MSI2: variants seen among roughly 807,000 people sequenced by gnomAD.
MSI2 encodes the protein RNA-binding protein Musashi homolog 2.
A neutral mutation model predicts 45.6 loss-of-function variants in MSI2; 17 were observed. The observed-to-expected ratio is 0.37, with a 90% confidence interval of 0.26 to 0.56. MSI2 has a LOEUF of 0.56. Among genes scored for constraint, MSI2 ranks in the 20% least tolerant of loss-of-function variants. MSI2 has a pLI of 0.77. For missense variants in MSI2, 293 were observed against 444.2 expected, an observed-to-expected ratio of 0.66 and a Z score of 3.06; for synonymous variants, 156 against 158.2, an observed-to-expected ratio of 0.99 and a Z score of 0.11.
chr17:57,292,402 G>C (rs1446776074), intron 5 of MSI2, among the ~76,000 whole-genome samples: 1 of 152,192 alleles, frequency 6.6e-6, no homozygotes, highest in Admixed American at 6.5e-5. Flanking sequence ...GACCAGAGCA[G>C]GGGGCAGAGT....
chr17:57,586,347 GTCTCTC>G (rs138594708), intron 7 of MSI2, among the ~76,000 whole-genome samples: 5 of 150,066 alleles, frequency 3.3e-5, no homozygotes, highest in African/African-American at 9.8e-5. Flanking sequence ...ATGGTTAGAG[GTCTCTC>G]TCTCTCTCTC....
chr17:57,603,335 G>A (rs72834921), intron 8 of MSI2, among the ~76,000 whole-genome samples: 6,842 of 152,230 alleles, frequency 0.045, 224 homozygotes, highest in Middle Eastern at 0.085. Flanking sequence ...TCCCCAAGTC[G>A]GGACCTGCTG....
rs73323425 is a variant in MSI2 at position 57,263,185 on chromosome 17, A to G, written c.312+993A>G. ...TGGTTTTGCACATTAGTATAGAAAA[A>G]GTTGGTGATTGTGATGGTACTTTGA... is the stretch of plus-strand genomic sequence containing the variant. On this transcript the variant is annotated intron_variant, in intron 5 of 13. Coordinates refer to ENST00000284073, the MANE Select transcript of MSI2 (RefSeq NM_138962.4). Among the ~76,000 whole-genome samples the G allele has an allele frequency of 6.4e-3, 968 of 152,090 alleles. 10 individuals are homozygous for G. The highest frequency in any genetic ancestry group is 0.022 in the African/African-American group (924 of 41,450).
chr17:57,486,442 C>G (rs1395912306), intron 6 of MSI2, among the ~76,000 whole-genome samples: 1 of 152,154 alleles, frequency 6.6e-6, no homozygotes. Flanking sequence ...AACTGGGGCT[C>G]CGAAAATAGT....
At chr17:57,688,892 A>C (rs911771158), downstream of MSI2, among the ~76,000 whole-genome samples, 4 of 152,204 alleles carry the variant, frequency 2.6e-5, no homozygotes, top group African/African-American at 7.2e-5. Context: ...AAATTTTTTT[A>C]AGTGTGACTC....
At chr17:57,648,922 C>T (rs1910907062) in intron 10 of MSI2, among the ~76,000 whole-genome samples, 1 of 152,176 alleles carries the variant, frequency 6.6e-6, no homozygotes, top group Non-Finnish European at 1.5e-5. Flanking sequence ...CCAGGCGTCT[C>T]TCCCCTGCAT....
At chr17:57,676,449 G>A (rs1913241849) in intron 12 of MSI2, among the ~76,000 whole-genome samples, 1 of 152,178 alleles carries the variant, frequency 6.6e-6, no homozygotes, top group African/African-American at 2.4e-5. Context: ...CCTGAGAGCT[G>A]CTCAATTTAG....
chr17:57,398,568 G>A (rs1598215532), intron 5 of MSI2, among the ~76,000 whole-genome samples: 1 of 152,304 alleles, frequency 6.6e-6, no homozygotes, highest in East Asian at 1.9e-4. Flanking sequence ...TGTGTAATGT[G>A]TCTTTTCGCT....
At chr17:57,585,392 GTTT>G in intron 7 of MSI2, among the ~76,000 whole-genome samples, 1 of 152,320 alleles carries the variant, frequency 6.6e-6, no homozygotes, top group African/African-American at 2.4e-5. Flanking sequence ...AAGTGCAGGT[GTTT>G]TTAAGCAATC....
intron 6 of MSI2, among the ~76,000 whole-genome samples, chr17:57,417,056 G>A (rs994708457): frequency 3.9e-5 from 6 of 152,150 alleles, no homozygotes; most frequent in South Asian, 2.1e-4. Context: ...GTGTCACTGC[G>A]AGGTGGGGAC....
At chr17:57,481,355 A>C (rs1333329567) in intron 6 of MSI2, among the ~76,000 whole-genome samples, 3 of 152,242 alleles carry the variant, frequency 2.0e-5, no homozygotes. Context: ...GTCTGCTTTC[A>C]TTGTATTGTC....
intron 7 of MSI2, among the ~76,000 whole-genome samples, chr17:57,580,752 C>A (rs1374059407): frequency 6.6e-6 from 1 of 152,142 alleles, no homozygotes; most frequent in East Asian, 1.9e-4. Context: ...CTGGAGACGA[C>A]AACTAGGTGA....
At position 57,280,612 on chromosome 17, in the gene MSI2, C is replaced by A. The variant is rs1000379562; in HGVS notation, c.312+18420C>A. Among the ~76,000 whole-genome samples, 1 of 152,102 alleles carries A rather than the reference C, an allele frequency of 6.6e-6. No homozygotes were observed. Among genetic ancestry groups the A allele is most frequent in the African/African-American group, 2.4e-5 (1 of 41,412 alleles). ...AGTGTTGGCCCATGCAGGGGACAGG[C>A]AGGGCAGGTGTGCCTGGCTCAGGGG... On this transcript the variant is annotated intron_variant, in intron 5 of 13. Coordinates refer to ENST00000284073, the MANE Select transcript of MSI2 (RefSeq NM_138962.4). The surrounding 1 kb of genome is among the most constrained non-coding windows in gnomAD (Gnocchi z 4.2).
At chr17:57,541,411 C>T (rs972639936) in intron 7 of MSI2, among the ~76,000 whole-genome samples, 8 of 152,116 alleles carry the variant, frequency 5.3e-5, no homozygotes, top group African/African-American at 1.9e-4. Context: ...TTCAGGAGAG[C>T]TCATGTGTAT....
chr17:57,595,623 T>A (rs1905187409), intron 7 of MSI2, among the ~76,000 whole-genome samples: 1 of 151,976 alleles, frequency 6.6e-6, no homozygotes, highest in South Asian at 2.1e-4. Flanking sequence ...AGGGCACTAA[T>A]TCCATTTATG....
chr17:57,344,831 G>A (rs1392056005), intron 5 of MSI2, among the ~76,000 whole-genome samples: 1 of 152,122 alleles, frequency 6.6e-6, no homozygotes, highest in African/African-American at 2.4e-5. Flanking sequence ...TGGCCTACCC[G>A]AGGTGGGTGG....
At chr17:57,261,816 A>G (rs1200083470) in intron 4 of MSI2, among the ~76,000 whole-genome samples, 1 of 152,200 alleles carries the variant, frequency 6.6e-6, no homozygotes, top group African/African-American at 2.4e-5. Flanking sequence ...CACGCATAGC[A>G]AATTAGATGT....
At chr17:57,441,677 A>C (rs1032183727) in intron 6 of MSI2, among the ~76,000 whole-genome samples, 11 of 152,110 alleles carry the variant, frequency 7.2e-5, no homozygotes, top group Non-Finnish European at 1.6e-4. Flanking sequence ...CTTTTCTCTC[A>C]GCCTGATTCT....
At chr17:57,472,729 A>G (rs530289686) in intron 6 of MSI2, among the ~76,000 whole-genome samples, 35 of 152,248 alleles carry the variant, frequency 2.3e-4, no homozygotes, top group African/African-American at 8.2e-4. Flanking sequence ...CTCAGCGTGG[A>G]TCCTGGTACG....
Sources: allele counts gnomAD v4.1 joint callset (sites outside exome capture counted in the v4.1 genomes callset), GRCh38; gene constraint gnomAD v4.1.1; non-coding constraint Gnocchi (gnomAD v3.1); transcripts MANE v1.5; gene names NCBI Gene and HGNC (gene_info 2026-07-23, HGNC 2026-07-21).